The following SFMBT2 variants were observed in gnomAD, a reference collection of about 807,000 sequenced individuals.
SFMBT2 encodes Scm like with four mbt domains 2.
Under a neutral mutation model 110.1 loss-of-function variants are expected in SFMBT2, and 38 were observed. The observed-to-expected ratio is 0.35, with a 90% CI of 0.27 to 0.45. SFMBT2 has a LOEUF of 0.45. Among genes scored for constraint, SFMBT2 ranks in the 20% least tolerant of loss-of-function variants. The pLI, the probability that SFMBT2 is intolerant of heterozygous loss-of-function variation, is 1.00. For missense variants in SFMBT2, 1,011 were observed against 1,094.9 expected, an observed-to-expected ratio of 0.92 and a Z score of 1.08; for synonymous variants, 425 against 425.4, an observed-to-expected ratio of 1.00 and a Z score of 0.01.
At chr10:7,356,447 G>C (rs796586043) in intron 4 of SFMBT2, among the ~76,000 whole-genome samples, 1 of 152,060 alleles carries the variant, frequency 6.6e-6, no homozygotes, top group Admixed American at 6.6e-5. Context: ...ATGGAGTCTC[G>C]CTCCCTCACC....
At chr10:7,199,151 G>A (rs2131598161) in intron 14 of SFMBT2, among the ~76,000 whole-genome samples, 1 of 150,894 alleles carries the variant, frequency 6.6e-6, no homozygotes, top group Non-Finnish European at 1.5e-5. Context: ...GCTAATTTTT[G>A]TATTTTTAGT....
intron 11 of SFMBT2, among the ~76,000 whole-genome samples, chr10:7,207,188 T>C (rs764999035): frequency 1.4e-4 from 22 of 151,878 alleles, no homozygotes; most frequent in Non-Finnish European, 2.8e-4. Flanking sequence ...GAAGACACCT[T>C]GTCTCTACAA....
At chr10:7,165,221 G>A (rs537190780) in intron 20 of SFMBT2, among the ~76,000 whole-genome samples, 1 of 152,300 alleles carries the variant, frequency 6.6e-6, no homozygotes, top group Admixed American at 6.5e-5. Context: ...TCTGCCACTT[G>A]CAGAAGAATT....
At chr10:7,332,965 C>T (rs914302315) in intron 4 of SFMBT2, among the ~76,000 whole-genome samples, 1 of 152,168 alleles carries the variant, frequency 6.6e-6, no homozygotes, top group Non-Finnish European at 1.5e-5. Context: ...CTCCTGGGTT[C>T]AAGTGATTCT....
chr10:7,222,219 C>A (rs956543240), intron 10 of SFMBT2, among the ~76,000 whole-genome samples: 1 of 152,204 alleles, frequency 6.6e-6, no homozygotes, highest in African/African-American at 2.4e-5. Flanking sequence ...TGTACAGATG[C>A]ACCAGAGCTT....
chr10:7,328,960 T>G (rs1341696266), intron 4 of SFMBT2, among the ~76,000 whole-genome samples: 1 of 152,216 alleles, frequency 6.6e-6, no homozygotes, highest in African/African-American at 2.4e-5. Flanking sequence ...AAGCAGCCCA[T>G]GCGGCTTGGA....
At chr10:7,168,508 G>A (rs1241426547) in intron 20 of SFMBT2, among the ~76,000 whole-genome samples, 1 of 152,234 alleles carries the variant, frequency 6.6e-6, no homozygotes, top group Non-Finnish European at 1.5e-5. Context: ...CTGAATCGGT[G>A]TATGTTGAAT....
chr10:7,188,339 C>T (rs963200588), intron 16 of SFMBT2, among the ~76,000 whole-genome samples: 14 of 152,174 alleles, frequency 9.2e-5, no homozygotes, highest in African/African-American at 3.4e-4. Flanking sequence ...GCTCAAATAA[C>T]CTATTGGTCC....
chr10:7,406,266 A>AAGAAAC (rs1846206333), intron 1 of SFMBT2, among the ~76,000 whole-genome samples: 1 of 152,126 alleles, frequency 6.6e-6, no homozygotes, highest in African/African-American at 2.4e-5. Context: ...GAAAAAGAAA[A>AAGAAAC]AGAAAACTCT....
At chr10:7,178,623 A>G (rs1838146152) in intron 16 of SFMBT2, among the ~76,000 whole-genome samples, 1 of 152,168 alleles carries the variant, frequency 6.6e-6, no homozygotes, top group Non-Finnish European at 1.5e-5. Context: ...GAACCTAGAT[A>G]TTGTCACTTG....
At chr10:7,346,845 G>T (rs972338139) in intron 4 of SFMBT2, among the ~76,000 whole-genome samples, 1 of 151,492 alleles carries the variant, frequency 6.6e-6, no homozygotes, top group Non-Finnish European at 1.5e-5. Context: ...AATTGGCCGG[G>T]CATGGTGGCA....
intron 7 of SFMBT2, among the ~76,000 whole-genome samples, chr10:7,260,747 C>T (rs1011992473): frequency 1.3e-5 from 2 of 151,310 alleles, no homozygotes; most frequent in Non-Finnish European, 3.0e-5. Context: ...GCAGTTGTCA[C>T]TTAGTACAAT....
intron 16 of SFMBT2, among the ~76,000 whole-genome samples, chr10:7,178,197 TCTC>T (rs1838135679): frequency 6.6e-6 from 1 of 151,518 alleles, no homozygotes; most frequent in South Asian, 2.1e-4. Flanking sequence ...CACAGCAGCT[TCTC>T]CTGACCATGG....
intron 1 of SFMBT2, among the ~76,000 whole-genome samples, chr10:7,406,888 G>A (rs1316311288): frequency 6.6e-6 from 1 of 151,990 alleles, no homozygotes; most frequent in East Asian, 1.9e-4. Flanking sequence ...TTCCAGGATG[G>A]GGGCTGCGAG....
rs147466358 is a variant in SFMBT2 at position 7,298,881 on chromosome 10, C to T, written c.437-12927G>A. 2.0e-4 allele frequency among the ~76,000 whole-genome samples: 31 copies of T among 152,110 alleles called. No individual in the cohort carries two copies. In the East Asian group the frequency reaches 5.8e-3, roughly 28 times the overall value. ...GAGCACCATGACCCTGAAAGGATTACGAACAACTACTGCATAGAAAATATT... is the reference window on the plus strand; with the variant it reads ...GAGCACCATGACCCTGAAAGGATTATGAACAACTACTGCATAGAAAATATT... On this transcript the variant is annotated intron_variant, in intron 4 of 20. Transcript: ENST00000397167.
At chr10:7,383,432 AG>A (rs1181191348) in intron 1 of SFMBT2, among the ~76,000 whole-genome samples, 2 of 152,224 alleles carry the variant, frequency 1.3e-5, no homozygotes, top group Non-Finnish European at 2.9e-5. Flanking sequence ...AGGAACAAGT[AG>A]GAAGAGATGG....
At chr10:7,201,613 C>A (rs577833316) in intron 13 of SFMBT2, among the ~76,000 whole-genome samples, 2 of 152,216 alleles carry the variant, frequency 1.3e-5, no homozygotes, top group Admixed American at 6.5e-5. Context: ...AACTCGACTA[C>A]CGCAAGTGAA....
chr10:7,324,297 C>T (rs777279003), intron 4 of SFMBT2, among the ~76,000 whole-genome samples: 20 of 152,184 alleles, frequency 1.3e-4, no homozygotes, highest in African/African-American at 3.4e-4. Flanking sequence ...TTCTCTCCAC[C>T]GCATATTCAG....
At chr10:7,335,379 G>A (rs1215520533) in intron 4 of SFMBT2, among the ~76,000 whole-genome samples, 2 of 152,006 alleles carry the variant, frequency 1.3e-5, no homozygotes, top group Admixed American at 1.3e-4. Flanking sequence ...ACTATCTTAG[G>A]AGGCATCAAA....
Sources: gnomAD v4.1 joint callset for allele counts (sites outside exome capture counted in the v4.1 genomes callset) on GRCh38, gnomAD v4.1.1 for gene constraint, MANE v1.5 for transcripts, NCBI Gene and HGNC (gene_info 2026-07-23, HGNC 2026-07-21) for gene names.